Variants in TAFA5 observed in about 807,000 individuals in gnomAD.
The protein encoded by TAFA5 is TAFA chemokine like family member 5.
Under a neutral mutation model 15.3 loss-of-function variants are expected in TAFA5, and 6 were observed. The observed-to-expected ratio is 0.39, with a 90% CI of 0.21 to 0.77. The LOEUF (loss-of-function observed/expected upper bound fraction) is 0.77. Among genes scored for constraint, TAFA5 ranks in the 30% least tolerant of loss-of-function variants. TAFA5 has a pLI of 0.41. For missense variants in TAFA5, 161 were observed against 193.1 expected (o/e 0.83, Z 0.98); for synonymous variants, 103 against 80.7 (o/e 1.28, Z -1.48).
At chr22:48,725,795 G>A (rs1244061836) in intron 3 of TAFA5, among the ~76,000 whole-genome samples, 2 of 151,778 alleles carry the variant, frequency 1.3e-5, no homozygotes, top group African/African-American at 2.4e-5. Flanking sequence ...GGAGGACAGA[G>A]GATGAATATC....
intron 1 of TAFA5, among the ~76,000 whole-genome samples, chr22:48,561,202 T>G (rs1260683617): frequency 6.6e-6 from 1 of 152,132 alleles, no homozygotes; most frequent in Non-Finnish European, 1.5e-5. Flanking sequence ...TCCACTCTGC[T>G]CTGTGGCTCT....
In TAFA5 at chr22:48,673,125, C is replaced by T. The variant is rs186433089; in HGVS notation, c.262+26379C>T. ...TGGGGCACTGTGCTCTAGAAGATAT[C>T]GGTCTCGTTGTTCAAGTTCTGAGGA... On this transcript the variant is annotated intron_variant, in intron 2 of 3. Transcript: ENST00000402357. Among the ~76,000 whole-genome samples, 250 of 152,298 alleles carry T rather than the reference C, an allele frequency of 1.6e-3. 1 individual carries two copies. The highest frequency in any genetic ancestry group is 3.1e-3 in the Non-Finnish European group (209 of 68,022).
At chr22:48,542,464 T>G (rs1259782870) in intron 1 of TAFA5, among the ~76,000 whole-genome samples, 21 of 86,688 alleles carry the variant, frequency 2.4e-4, no homozygotes, top group East Asian at 3.4e-4. Flanking sequence ...CGGGTGTGTG[T>G]TGTGTATGTG....
chr22:48,689,299 G>C (rs1469881065), intron 2 of TAFA5, among the ~76,000 whole-genome samples: 2 of 152,144 alleles, frequency 1.3e-5, no homozygotes, highest in Admixed American at 1.3e-4. Context: ...CCCCACCCCA[G>C]AGATGGGGCG....
intron 1 of TAFA5, among the ~76,000 whole-genome samples, chr22:48,591,419 G>T (rs955194760): frequency 6.6e-6 from 1 of 152,232 alleles, no homozygotes; most frequent in African/African-American, 2.4e-5. Context: ...CCACCCCCGT[G>T]CGTCTGACCC....
intron 2 of TAFA5, among the ~76,000 whole-genome samples, chr22:48,678,489 G>A (rs5771710): frequency 0.19 from 28,711 of 152,038 alleles, 3,326 homozygotes; most frequent in Admixed American, 0.29. Context: ...TCCAGGGAAG[G>A]GCTTCAAACA....
At chr22:48,626,966 C>T (rs1176851113) in intron 1 of TAFA5, among the ~76,000 whole-genome samples, 1 of 152,178 alleles carries the variant, frequency 6.6e-6, no homozygotes, top group Non-Finnish European at 1.5e-5. Flanking sequence ...CGTGGGATTG[C>T]CGGTCTTGTG....
At position 48,750,487 on chromosome 22, in the gene TAFA5, G is replaced by A. The variant is rs695689; in HGVS notation, c.*640G>A. 0.28 allele frequency: 42,529 copies of A among 149,536 alleles called. 7,799 individuals are homozygous for A. The highest frequency in any genetic ancestry group is 0.81 in the East Asian group (4,099 of 5,090). The allele number at this position is 149,536 out of a possible 1,614,324, so 9.3% of individuals were successfully genotyped here. On this transcript the variant is annotated 3_prime_UTR_variant, in exon 4 of 4. Transcript: ENST00000402357. ...GGCCTCCACCCCAGGAGCACCCCGC[G>A]CACCCTCGGAGGACGGGCTTCGGCT...
At chr22:48,561,881 C>G (rs567344959) in intron 1 of TAFA5, among the ~76,000 whole-genome samples, 6 of 152,220 alleles carry the variant, frequency 3.9e-5, no homozygotes, top group Admixed American at 1.3e-4. Flanking sequence ...TGCACAGTGA[C>G]GCGGGATCAG....
intron 1 of TAFA5, among the ~76,000 whole-genome samples, chr22:48,507,995 C>A (rs566227247): frequency 6.6e-6 from 1 of 152,120 alleles, no homozygotes; most frequent in Non-Finnish European, 1.5e-5. Flanking sequence ...CCCCTAGAGC[C>A]GCCCGCATGC....
chr22:48,611,159 T>A (rs1429626018), intron 1 of TAFA5, among the ~76,000 whole-genome samples: 1 of 152,204 alleles, frequency 6.6e-6, no homozygotes, highest in Non-Finnish European at 1.5e-5. Flanking sequence ...GGTCTTGCAC[T>A]CCTGACCTCA....
At chr22:48,749,727 C>A in intron 3 of TAFA5, 112 bp from the exon 4 acceptor site, 1 of 1,227,316 alleles carries the variant, frequency 8.1e-7, no homozygotes, top group Non-Finnish European at 1.2e-6. Flanking sequence ...TCGTTTCAGG[C>A]CCTCCAGGAG....
At chr22:48,696,862 A>C (rs1928728906) in intron 2 of TAFA5, among the ~76,000 whole-genome samples, 1 of 152,254 alleles carries the variant, frequency 6.6e-6, no homozygotes, top group African/African-American at 2.4e-5. Context: ...AGCACAGCAC[A>C]GTCGCGCAAA....
At chr22:48,749,735 G>C in intron 3 of TAFA5, 104 bp from the exon 4 acceptor site, 2 of 1,356,876 alleles carry the variant, frequency 1.5e-6, no homozygotes, top group Non-Finnish European at 2.1e-6. Flanking sequence ...GGCCCTCCAG[G>C]AGGCCGGCTG....
chr22:48,730,106 T>A (rs1023745467), intron 3 of TAFA5, among the ~76,000 whole-genome samples: 4 of 152,066 alleles, frequency 2.6e-5, no homozygotes, highest in Admixed American at 6.6e-5. Flanking sequence ...AAAAAGAGGC[T>A]GGGCACGGTG....
At chr22:48,602,624 A>G (rs375647949) in intron 1 of TAFA5, among the ~76,000 whole-genome samples, 11 of 152,132 alleles carry the variant, frequency 7.2e-5, no homozygotes, top group African/African-American at 2.4e-4. Flanking sequence ...TTGTTGTAAC[A>G]TATATCGTAT....
At chr22:48,578,635 A>G (rs1162675370) in intron 1 of TAFA5, among the ~76,000 whole-genome samples, 2 of 152,148 alleles carry the variant, frequency 1.3e-5, no homozygotes, top group African/African-American at 4.8e-5. Flanking sequence ...CCTTTGGAGG[A>G]GCGATTGCGG....
chr22:48,567,326 G>A (rs1169683676), intron 1 of TAFA5, among the ~76,000 whole-genome samples: 2 of 150,972 alleles, frequency 1.3e-5, no homozygotes, highest in African/African-American at 2.5e-5. Flanking sequence ...CGAGGACTGC[G>A]GGTAGCAGGC....
At chr22:48,522,044 G>C (rs1921620184) in intron 1 of TAFA5, among the ~76,000 whole-genome samples, 1 of 152,260 alleles carries the variant, frequency 6.6e-6, no homozygotes, top group African/African-American at 2.4e-5. Flanking sequence ...TATTCCTTAG[G>C]ATAGGTATTC....
Sources: allele counts gnomAD v4.1 joint callset (sites outside exome capture counted in the v4.1 genomes callset), GRCh38; gene constraint gnomAD v4.1.1; transcripts MANE v1.5; gene names NCBI Gene and HGNC (gene_info 2026-07-23, HGNC 2026-07-21).